The following CNBD1 variants were observed in gnomAD, a reference collection of about 807,000 sequenced individuals.
CNBD1 encodes the protein cyclic nucleotide-binding domain-containing protein 1.
In CNBD1, 71 loss-of-function variants were observed where a neutral mutation model predicts 54.4. The ratio of observed to expected loss-of-function variants is 1.30; its 90% CI spans 1.08 to 1.59. The LOEUF is 1.59. CNBD1 is among the 40% of genes most tolerant of loss of function. The probability of loss-of-function intolerance (pLI) is 0.00; values close to 1 mark genes in which losing one functional copy is unlikely to be tolerated. For missense variants in CNBD1, 659 were observed against 518.0 expected (o/e 1.27, Z -2.64); for synonymous variants, 182 against 170.7 (o/e 1.07, Z -0.51).
At chr8:86,967,587 A>T (rs1446018559) in intron 4 of CNBD1, among the ~76,000 whole-genome samples, 2 of 152,256 alleles carry the variant, frequency 1.3e-5, no homozygotes, top group Non-Finnish European at 2.9e-5. Flanking sequence ...TAATGAGACC[A>T]TCAAAAGCAT....
In CNBD1 at chr8:86,896,973, C is replaced by T. The variant is rs190256442; in HGVS notation, c.159-8108C>T. The stretch of plus-strand genomic sequence containing the variant: ...TACAAATTAAACAAGACACAAATTT[C>T]ATCCATAAAATATCAACTACTATAA... On this transcript the variant is annotated intron_variant, in intron 2 of 10. Coordinates refer to ENST00000518476, the MANE Select transcript of CNBD1 (RefSeq NM_173538.3). Among the ~76,000 whole-genome samples, 642 of 152,246 alleles carry T rather than the reference C, an allele frequency of 4.2e-3. 4 individuals carry two copies. The highest frequency in any genetic ancestry group is 0.01 in the Middle Eastern group (3 of 292).
intron 2 of CNBD1, among the ~76,000 whole-genome samples, chr8:87,422,095 A>G (rs1215073704): frequency 1.4e-5 from 2 of 145,860 alleles, no homozygotes; most frequent in African/African-American, 5.3e-5. Context: ...GTCTGTTCAT[A>G]TCCTTCACCC....
intron 8 of CNBD1, among the ~76,000 whole-genome samples, chr8:87,315,973 A>G (rs1200321434): frequency 1.3e-5 from 2 of 152,024 alleles, no homozygotes; most frequent in Non-Finnish European, 2.9e-5. Flanking sequence ...GTGCCCCATG[A>G]ATATATACAA....
intron 10 of CNBD1, among the ~76,000 whole-genome samples, chr8:87,355,786 C>A (rs1401686958): frequency 1.3e-5 from 2 of 152,078 alleles, no homozygotes. Context: ...TTTTATGTCT[C>A]TGACATGATT....
chr8:87,381,213 A>G (rs1489678976), intron 10 of CNBD1, among the ~76,000 whole-genome samples: 1 of 152,114 alleles, frequency 6.6e-6, no homozygotes, highest in African/African-American at 2.4e-5. Context: ...TCAATTTAAA[A>G]ATAGGATAAA....
At chr8:87,388,035 T>A (rs1233173817) in intron 2 of CNBD1, among the ~76,000 whole-genome samples, 1 of 152,024 alleles carries the variant, frequency 6.6e-6, no homozygotes, top group Non-Finnish European at 1.5e-5. Context: ...AAGGCAGAAA[T>A]AAAGATGTTC....
At chr8:86,892,402 A>C (rs1808782799) in intron 2 of CNBD1, among the ~76,000 whole-genome samples, 2 of 152,142 alleles carry the variant, frequency 1.3e-5, no homozygotes, top group Admixed American at 1.3e-4. Flanking sequence ...AATATGATAG[A>C]ATCATAGAAT....
chr8:87,366,654 C>A (rs1810648755), intron 10 of CNBD1, among the ~76,000 whole-genome samples: 1 of 151,974 alleles, frequency 6.6e-6, no homozygotes, highest in South Asian at 2.1e-4. Context: ...GGCTGAAGGT[C>A]GTGGGGGCCA....
At chr8:87,035,112 T>C (rs1373154888) in intron 4 of CNBD1, among the ~76,000 whole-genome samples, 2 of 152,242 alleles carry the variant, frequency 1.3e-5, no homozygotes, top group African/African-American at 2.4e-5. Flanking sequence ...TGGCAAGATA[T>C]GTTTGAAACC....
chr8:86,965,464 A>G (rs1443567256), intron 4 of CNBD1, among the ~76,000 whole-genome samples: 1 of 152,160 alleles, frequency 6.6e-6, no homozygotes, highest in East Asian at 1.9e-4. Flanking sequence ...GGGGATTAAC[A>G]GTGTCCTCCC....
At chr8:87,403,634 G>A (rs558675538) in intron 2 of CNBD1, among the ~76,000 whole-genome samples, 1 of 151,744 alleles carries the variant, frequency 6.6e-6, no homozygotes, top group East Asian at 1.9e-4. Flanking sequence ...TCTTGCACAA[G>A]GGAGGCACTC....
intron 8 of CNBD1, among the ~76,000 whole-genome samples, chr8:87,313,442 C>T (rs1809312130): frequency 1.3e-5 from 2 of 151,980 alleles, no homozygotes; most frequent in Non-Finnish European, 2.9e-5. Context: ...CATATTTATT[C>T]ATGCCATTTC....
intron 2 of CNBD1, among the ~76,000 whole-genome samples, chr8:87,389,305 C>G (rs1221707491): frequency 6.6e-6 from 1 of 152,124 alleles, no homozygotes; most frequent in Non-Finnish European, 1.5e-5. Context: ...AAGAGGAAGT[C>G]AAATTGTCCC....
At chr8:87,259,640 A>T (rs1022797267) in intron 6 of CNBD1, among the ~76,000 whole-genome samples, 4 of 152,146 alleles carry the variant, frequency 2.6e-5, no homozygotes, top group African/African-American at 9.6e-5. Context: ...GTAACTACAC[A>T]GACAGACAGA....
At chr8:87,264,823 C>T (rs1436397005) in intron 6 of CNBD1, among the ~76,000 whole-genome samples, 1 of 152,092 alleles carries the variant, frequency 6.6e-6, no homozygotes, top group Non-Finnish European at 1.5e-5. Context: ...TGTTCATATC[C>T]TTCGCCCACT....
At chr8:87,009,014 T>A (rs1242267595) in intron 4 of CNBD1, among the ~76,000 whole-genome samples, 2 of 152,038 alleles carry the variant, frequency 1.3e-5, no homozygotes, top group Admixed American at 1.3e-4. Context: ...TATTGGTTTT[T>A]TATTTGAACT....
intron 3 of CNBD1, among the ~76,000 whole-genome samples, chr8:86,921,169 G>A (rs531202687): frequency 6.6e-6 from 1 of 152,238 alleles, no homozygotes; most frequent in Non-Finnish European, 1.5e-5. Flanking sequence ...ACATCTAAGT[G>A]TACTTATTTC....
intron 8 of CNBD1, among the ~76,000 whole-genome samples, chr8:87,311,672 A>G (rs568104571): frequency 6.6e-5 from 10 of 152,186 alleles, no homozygotes; most frequent in Non-Finnish European, 1.0e-4. Flanking sequence ...ACTATTCACA[A>G]TAGCAAATAT....
intron 4 of CNBD1, among the ~76,000 whole-genome samples, chr8:87,180,565 G>A (rs1813292169): frequency 6.6e-6 from 1 of 152,126 alleles, no homozygotes; most frequent in Non-Finnish European, 1.5e-5. Context: ...CGGAGGTGGT[G>A]TGAGCCTGAA....
Sources: gnomAD v4.1 joint callset for allele counts (sites outside exome capture counted in the v4.1 genomes callset) on GRCh38, gnomAD v4.1.1 for gene constraint, MANE v1.5 for transcripts, NCBI Gene and HGNC (gene_info 2026-07-23, HGNC 2026-07-21) for gene names.